Variants in BABAM2 observed in about 807,000 individuals in gnomAD.
The protein encoded by BABAM2 is BRISC and BRCA1 A complex member 2.
In BABAM2, 31 loss-of-function variants were observed where a neutral mutation model predicts 54.7. The observed-to-expected ratio is 0.57, with a 90% CI of 0.43 to 0.77. The LOEUF (loss-of-function observed/expected upper bound fraction) is 0.77, where lower values mean the gene tolerates loss of function less well. BABAM2 is among the 30% of genes least tolerant of loss of function. The probability of loss-of-function intolerance (pLI) is 0.00; values close to 1 mark genes in which losing one functional copy is unlikely to be tolerated. For missense variants in BABAM2, 364 were observed against 455.8 expected (o/e 0.80, Z 1.83); for synonymous variants, 167 against 162.9 (o/e 1.03, Z -0.19).
intron 6 of BABAM2, among the ~76,000 whole-genome samples, chr2:28,127,676 G>A (rs576193203): frequency 4.9e-4 from 75 of 152,254 alleles, no homozygotes; most frequent in African/African-American, 1.7e-3. Flanking sequence ...CAAGGAGACC[G>A]AAGGTTCCGG....
chr2:28,025,588 C>G (rs1015660060), intron 5 of BABAM2, 168 bp downstream of exon 5: 11 of 615,882 alleles, frequency 1.8e-5, no homozygotes, highest in Non-Finnish European at 2.8e-5. Context: ...TTGTCTAGTT[C>G]ATTGTGTTTC....
At chr2:27,926,632 C>A (rs918250373) in intron 2 of BABAM2, among the ~76,000 whole-genome samples, 2 of 152,120 alleles carry the variant, frequency 1.3e-5, no homozygotes, top group African/African-American at 2.4e-5. Context: ...TCTTGTTTAT[C>A]GTTTTCTTCT....
At chr2:28,186,349 G>T (rs1019848881) in intron 7 of BABAM2, among the ~76,000 whole-genome samples, 4 of 152,184 alleles carry the variant, frequency 2.6e-5, no homozygotes, top group African/African-American at 9.7e-5. Context: ...TCCTTCACTG[G>T]ATTGTTTCAA....
At chr2:28,193,489 T>C (rs1024464693) in intron 7 of BABAM2, among the ~76,000 whole-genome samples, 3 of 152,168 alleles carry the variant, frequency 2.0e-5, no homozygotes, top group Non-Finnish European at 4.4e-5. Flanking sequence ...AAAATGACAG[T>C]AATAATAATA....
chr2:27,958,117 GCA>G (rs1670221403), intron 3 of BABAM2, among the ~76,000 whole-genome samples: 1 of 152,170 alleles, frequency 6.6e-6, no homozygotes, highest in Admixed American at 6.5e-5. Context: ...GCTGTGAGGA[GCA>G]GAAGAATCAC....
chr2:28,168,261 C>A (rs961021943), intron 7 of BABAM2, among the ~76,000 whole-genome samples: 1 of 152,216 alleles, frequency 6.6e-6, no homozygotes, highest in African/African-American at 2.4e-5. Flanking sequence ...TATATTCTTT[C>A]TATTCTTTGG....
chr2:28,195,715 G>A (rs763297218), intron 7 of BABAM2, among the ~76,000 whole-genome samples: 1 of 152,216 alleles, frequency 6.6e-6, no homozygotes, highest in Non-Finnish European at 1.5e-5. Context: ...AAAAGTGACT[G>A]TCATAGGACA....
At chr2:28,270,503 C>T (rs7568185) in intron 10 of BABAM2, among the ~76,000 whole-genome samples, 18,607 of 152,180 alleles carry the variant, frequency 0.12, 1,316 homozygotes, top group African/African-American at 0.18. Context: ...TGTCTGGCAC[C>T]TATGTGCACA....
chr2:27,949,470 A>G (rs563022854), intron 3 of BABAM2, among the ~76,000 whole-genome samples: 14 of 151,274 alleles, frequency 9.3e-5, no homozygotes, highest in South Asian at 8.4e-4. Flanking sequence ...GGAGGCGGAG[A>G]TTGCAGTGAG....
chr2:28,149,882 T>C (rs1671855731), intron 7 of BABAM2, among the ~76,000 whole-genome samples: 1 of 152,244 alleles, frequency 6.6e-6, no homozygotes, highest in Non-Finnish European at 1.5e-5. Flanking sequence ...AGTGAATTGG[T>C]ACCTTTGCAT....
intron 7 of BABAM2, among the ~76,000 whole-genome samples, chr2:28,171,515 G>A (rs1674322216): frequency 6.6e-6 from 1 of 152,150 alleles, no homozygotes; most frequent in African/African-American, 2.4e-5. Context: ...GGAGGGGACG[G>A]GCTGTCCTTT....
At chr2:28,248,214 T>C (rs1410216373) in intron 10 of BABAM2, among the ~76,000 whole-genome samples, 6 of 130,658 alleles carry the variant, frequency 4.6e-5, no homozygotes, top group East Asian at 4.1e-4. Flanking sequence ...TTTCTTTTTT[T>C]TTTTTTTTTT....
intron 6 of BABAM2, among the ~76,000 whole-genome samples, chr2:28,083,029 C>A (rs1187120137): frequency 1.3e-5 from 2 of 152,198 alleles, no homozygotes; most frequent in African/African-American, 4.8e-5. Context: ...TCATCCTCCC[C>A]AATTCTGGCA....
intron 11 of BABAM2, among the ~76,000 whole-genome samples, chr2:28,301,865 T>G (rs1196568310): frequency 6.6e-6 from 1 of 152,230 alleles, no homozygotes; most frequent in East Asian, 1.9e-4. Flanking sequence ...CATATATATC[T>G]TTTTTTAAAA....
intron 3 of BABAM2, among the ~76,000 whole-genome samples, chr2:27,953,480 CAG>C (rs1435234600): frequency 6.6e-6 from 1 of 151,870 alleles, no homozygotes; most frequent in Non-Finnish European, 1.5e-5. Flanking sequence ...ACCGTAGTGA[CAG>C]AGTCTCTATA....
At chr2:28,026,374 C>T (rs1054668141) in intron 5 of BABAM2, among the ~76,000 whole-genome samples, 1 of 152,034 alleles carries the variant, frequency 6.6e-6, no homozygotes, top group Non-Finnish European at 1.5e-5. Flanking sequence ...AAATGTGGCA[C>T]ATATACACCC....
chr2:28,058,849 A>G (rs1678640282), intron 6 of BABAM2, among the ~76,000 whole-genome samples: 2 of 152,144 alleles, frequency 1.3e-5, no homozygotes, highest in African/African-American at 4.8e-5. Context: ...TTTTCTAGTA[A>G]TTCACTTTGA....
chr2:28,182,175 C>G (rs1179393608), intron 7 of BABAM2, among the ~76,000 whole-genome samples: 1 of 152,148 alleles, frequency 6.6e-6, no homozygotes, highest in African/African-American at 2.4e-5. Context: ...GAGAGACTCA[C>G]TGGAGTGTCT....
At chr2:28,303,942 G>A (rs536553685) in intron 11 of BABAM2, among the ~76,000 whole-genome samples, 12 of 152,028 alleles carry the variant, frequency 7.9e-5, no homozygotes, top group Admixed American at 2.6e-4. Flanking sequence ...GTACCGTGGC[G>A]CAATCTTGGC....
Sources: allele counts gnomAD v4.1 joint callset (sites outside exome capture counted in the v4.1 genomes callset), GRCh38; gene constraint gnomAD v4.1.1; transcripts MANE v1.5; gene names NCBI Gene and HGNC (gene_info 2026-07-23, HGNC 2026-07-21).